CDK14: variants seen among roughly 807,000 people sequenced by gnomAD.
CDK14 encodes the protein cyclin dependent kinase 14, also known as cyclin-dependent kinase 14.
In CDK14, 34 loss-of-function variants were observed where a neutral mutation model predicts 60.7. The observed-to-expected ratio is 0.56, with a 90% CI of 0.43 to 0.75. The LOEUF is 0.75. Ranked by LOEUF, CDK14 falls within the 30% of genes least tolerant of loss-of-function variation. CDK14 has a pLI of 0.00. For synonymous variants in CDK14, 197 were observed against 203.7 expected, an observed-to-expected ratio of 0.97 and a Z score of 0.28; for missense variants, 482 against 564.1, an observed-to-expected ratio of 0.85 and a Z score of 1.47.
At chr7:90,885,637 T>G (rs946094241) in intron 6 of CDK14, among the ~76,000 whole-genome samples, 7 of 152,162 alleles carry the variant, frequency 4.6e-5, no homozygotes, top group Non-Finnish European at 1.0e-4. Context: ...GCAGCACTAT[T>G]TACAATAGCA....
At chr7:91,017,747 G>T (rs1194113591) in intron 10 of CDK14, among the ~76,000 whole-genome samples, 1 of 152,174 alleles carries the variant, frequency 6.6e-6, no homozygotes, top group Non-Finnish European at 1.5e-5. Context: ...TTTAGGAAGG[G>T]CTAACACCAG....
intron 12 of CDK14, among the ~76,000 whole-genome samples, chr7:91,097,808 A>G (rs1437113263): frequency 6.6e-6 from 1 of 152,298 alleles, no homozygotes; most frequent in African/African-American, 2.4e-5. Context: ...ATCACATGTG[A>G]AAAACATCGC....
At chr7:90,952,606 C>T (rs1236422031) in intron 8 of CDK14, among the ~76,000 whole-genome samples, 1 of 152,198 alleles carries the variant, frequency 6.6e-6, no homozygotes, top group Non-Finnish European at 1.5e-5. Context: ...TGAGCACACA[C>T]TCAGCCAAAG....
chr7:90,787,032 C>T (rs1805614294), intron 4 of CDK14, among the ~76,000 whole-genome samples: 1 of 151,764 alleles, frequency 6.6e-6, no homozygotes, highest in South Asian at 2.1e-4. Context: ...TAAAAGTAGA[C>T]CCAGTGACTT....
At chr7:90,611,354 C>G (rs186440876) in intron 2 of CDK14, among the ~76,000 whole-genome samples, 2 of 152,312 alleles carry the variant, frequency 1.3e-5, no homozygotes, top group Admixed American at 6.5e-5. Context: ...TCCAACTGCC[C>G]ACTAGAAGTT....
intron 9 of CDK14, among the ~76,000 whole-genome samples, chr7:90,960,299 C>T (rs1794562994): frequency 1.3e-5 from 2 of 152,122 alleles, no homozygotes; most frequent in Non-Finnish European, 2.9e-5. Flanking sequence ...GTATCAACTA[C>T]AGTACTCCCC....
intron 5 of CDK14, among the ~76,000 whole-genome samples, chr7:90,805,841 C>G (rs1788805304): frequency 6.6e-6 from 1 of 151,930 alleles, no homozygotes; most frequent in African/African-American, 2.4e-5. Flanking sequence ...ATTGCCAGAA[C>G]AGTTTTGAAA....
intron 1 of CDK14, among the ~76,000 whole-genome samples, chr7:90,602,013 C>T (rs570866936): frequency 3.2e-4 from 48 of 152,104 alleles, no homozygotes; most frequent in Middle Eastern, 3.4e-3. Context: ...CCCCCTGTTG[C>T]CCAGGCTGGT....
At chr7:90,665,142 G>A (rs1162672996) in intron 2 of CDK14, among the ~76,000 whole-genome samples, 3 of 151,846 alleles carry the variant, frequency 2.0e-5, no homozygotes, top group Admixed American at 6.6e-5. Flanking sequence ...AAAATTAGCT[G>A]GGCATAGTGG....
rs530479168 is a variant in CDK14 at position 90,923,012 on chromosome 7, T to C, written c.826+5288T>C. On this transcript the variant is annotated intron_variant, in intron 8 of 14. Transcript: ENST00000380050. ...AACCTATATTAACACAGCAGTATCA[T>C]CCAAATTCCAGAGTTTACATTAGGG... is the stretch of plus-strand genomic sequence containing the variant. Among the ~76,000 whole-genome samples, 3 of 152,054 alleles carry C rather than the reference T, an allele frequency of 2.0e-5. No individual in the cohort carries two copies. In the South Asian group the frequency reaches 6.2e-4, roughly 32 times the overall value.
chr7:90,993,539 G>T (rs1795593951), intron 10 of CDK14, among the ~76,000 whole-genome samples: 1 of 150,434 alleles, frequency 6.6e-6, no homozygotes, highest in Non-Finnish European at 1.5e-5. Flanking sequence ...GAAGGAGGGG[G>T]ACATTTCAAT....
At chr7:90,877,027 T>C (rs904553574) in intron 6 of CDK14, among the ~76,000 whole-genome samples, 4 of 152,222 alleles carry the variant, frequency 2.6e-5, no homozygotes, top group Non-Finnish European at 5.9e-5. Flanking sequence ...ATTATGGCTG[T>C]CAATTGGCTG....
At chr7:90,800,109 G>C (rs186594427) in intron 5 of CDK14, among the ~76,000 whole-genome samples, 246 of 152,200 alleles carry the variant, frequency 1.6e-3, no homozygotes, top group Non-Finnish European at 2.9e-3. Context: ...ATACATGTCT[G>C]AGTATTCCCA....
At chr7:90,777,329 C>T (rs1805092021) in intron 4 of CDK14, among the ~76,000 whole-genome samples, 1 of 152,082 alleles carries the variant, frequency 6.6e-6, no homozygotes, top group African/African-American at 2.4e-5. Context: ...GAGCTTTCAA[C>T]TATGAGGACA....
intron 4 of CDK14, among the ~76,000 whole-genome samples, chr7:90,783,302 T>G (rs1805423405): frequency 6.6e-6 from 1 of 152,300 alleles, no homozygotes; most frequent in East Asian, 1.9e-4. Context: ...TATTGTTTTA[T>G]TAATCTTTGG....
At chr7:91,203,335 T>C (rs952165833) in intron 14 of CDK14, among the ~76,000 whole-genome samples, 1 of 152,180 alleles carries the variant, frequency 6.6e-6, no homozygotes, top group African/African-American at 2.4e-5. Context: ...ATTTCCCCTT[T>C]ATTCATTCAA....
At chr7:90,829,042 A>T (rs1789819669) in intron 5 of CDK14, among the ~76,000 whole-genome samples, 1 of 152,178 alleles carries the variant, frequency 6.6e-6, no homozygotes, top group South Asian at 2.1e-4. Context: ...TGGCAGCAGG[A>T]GAGAGAAACA....
intron 11 of CDK14, among the ~76,000 whole-genome samples, chr7:91,067,177 A>G (rs971006272): frequency 6.6e-6 from 1 of 152,208 alleles, no homozygotes; most frequent in Non-Finnish European, 1.5e-5. Context: ...ACCAATTTTA[A>G]CACCTTTTTG....
intron 6 of CDK14, among the ~76,000 whole-genome samples, chr7:90,881,954 G>A (rs1584082465): frequency 6.6e-6 from 1 of 151,994 alleles, no homozygotes. Context: ...ATATGGAAAG[G>A]AAAAACCGGT....
Sources: allele counts gnomAD v4.1 joint callset (sites outside exome capture counted in the v4.1 genomes callset), GRCh38; gene constraint gnomAD v4.1.1; transcripts MANE v1.5; gene names NCBI Gene and HGNC (gene_info 2026-07-23, HGNC 2026-07-21).